The following TP53I11 variants were observed in gnomAD, a reference collection of about 807,000 sequenced individuals.
TP53I11 encodes tumor protein p53-inducible protein 11.
In TP53I11, 9 loss-of-function variants were observed where a neutral mutation model predicts 23.3. The ratio of observed to expected loss-of-function variants is 0.39; its 90% CI spans 0.23 to 0.67. The LOEUF (loss-of-function observed/expected upper bound fraction) is 0.67, where lower values mean the gene tolerates loss of function less well. Among genes scored for constraint, TP53I11 ranks in the 30% least tolerant of loss-of-function variants. TP53I11 has a pLI of 0.48. For missense variants in TP53I11, 170 were observed against 255.2 expected (o/e 0.67, Z 2.27); for synonymous variants, 100 against 106.1 (o/e 0.94, Z 0.35).
At chr11:44,937,250 G>T in intron 4 of TP53I11, 54 bp downstream of exon 4, 1 of 1,540,236 alleles carries the variant, frequency 6.5e-7, no homozygotes, top group African/African-American at 1.4e-5. Context: ...AGCCAGAGAA[G>T]GGCTGAGGGA....
At chr11:44,942,066 T>TACAA (rs1327419635) in intron 1 of TP53I11, among the ~76,000 whole-genome samples, 1 of 11,534 alleles carries the variant, frequency 8.7e-5, no homozygotes, top group Admixed American at 9.0e-4. Context: ...ACCACACACA[T>TACAA]ACCACACACA....
chr11:44,949,658 CG>C (rs1182155294), intron 1 of TP53I11, among the ~76,000 whole-genome samples: 1 of 152,056 alleles, frequency 6.6e-6, no homozygotes, highest in Non-Finnish European at 1.5e-5. Context: ...CGGGGCGCGC[CG>C]GGGTGGGCGC....
At chr11:44,950,951 C>T (rs1409013783), upstream of TP53I11, 3 of 151,872 alleles carry the variant, frequency 2.0e-5, no homozygotes. Flanking sequence ...CCCTCCCACG[C>T]GCCGGGCTGC....
intron 1 of TP53I11, chr11:44,947,050 G>A: frequency 2.2e-6 from 1 of 456,368 alleles, no homozygotes; most frequent in Non-Finnish European, 4.4e-6. Flanking sequence ...GTGCTGAAGA[G>A]GGCGAGAGGT....
At chr11:44,942,207 C>T (rs964932147) in intron 1 of TP53I11, among the ~76,000 whole-genome samples, 10 of 142,584 alleles carry the variant, frequency 7.0e-5, no homozygotes, top group African/African-American at 2.3e-4. Context: ...ATACCCACCA[C>T]GCACACACAC....
intron 1 of TP53I11, among the ~76,000 whole-genome samples, chr11:44,940,197 T>G (rs1861615652): frequency 6.6e-6 from 1 of 152,246 alleles, no homozygotes; most frequent in African/African-American, 2.4e-5. Context: ...GTCCTTCACC[T>G]GTTCCTCAGC....
Position 44,938,744 on chromosome 11 carries a change from T to A in TP53I11, c.-31-378A>T, listed in dbSNP as rs835994. Among the ~76,000 whole-genome samples, 29 of 151,702 alleles carry A rather than the reference T, an allele frequency of 1.9e-4. 1 individual carries two copies. The highest frequency in any genetic ancestry group is 1.8e-3 in the Admixed American group (27 of 15,232). On this transcript the variant is annotated intron_variant, in intron 1 of 6. Coordinates refer to ENST00000525680, the MANE Select transcript of TP53I11 (RefSeq NM_006034.5). ...GCCTGGATTCATGGGGCAAATGAGG[T>A]TTAGAAAAGGGGAGGGTCTGTCCAA... is the stretch of plus-strand genomic sequence containing the variant.
chr11:44,938,020 G>A (rs771130002), intron 2 of TP53I11, among the ~76,000 whole-genome samples, 187 bp downstream of exon 2: 21 of 152,316 alleles, frequency 1.4e-4, no homozygotes, highest in Non-Finnish European at 2.9e-4. Context: ...CTGGAAAACC[G>A]GGCACGTAAT....
At chr11:44,949,624 A>G (rs1297696503) in intron 1 of TP53I11, among the ~76,000 whole-genome samples, 3 of 150,862 alleles carry the variant, frequency 2.0e-5, no homozygotes, top group Non-Finnish European at 4.4e-5. Flanking sequence ...ACCCAAGGCG[A>G]GCGCCCCGCC....
At chr11:44,939,520 C>T (rs1320031347) in intron 1 of TP53I11, among the ~76,000 whole-genome samples, 2 of 152,208 alleles carry the variant, frequency 1.3e-5, no homozygotes, top group African/African-American at 2.4e-5. Flanking sequence ...TGCCCTGTGG[C>T]CCCAGGCAAA....
intron 1 of TP53I11, among the ~76,000 whole-genome samples, chr11:44,938,777 G>T (rs1861449569): frequency 1.3e-5 from 2 of 152,094 alleles, no homozygotes; most frequent in South Asian, 2.1e-4. Flanking sequence ...CAAGCCTGGG[G>T]CAGGGGCTTC....
At chr11:44,937,152 T>A (rs1861231001) in intron 4 of TP53I11, 152 bp downstream of exon 4, 1 of 945,004 alleles carries the variant, frequency 1.1e-6, no homozygotes, top group Non-Finnish European at 1.6e-6. Flanking sequence ...GGCGTGGCAG[T>A]GTAGGAGTCA....
In TP53I11 at chr11:44,938,200, A is replaced by C; in HGVS notation, c.129+7T>G. The C allele has an allele frequency of 1.2e-6, 2 of 1,610,678 alleles. No individual in the cohort carries two copies. ...TGGGTGCCGGAGGCCCCTGCTCTGC[A>C]CCCCACCTTGGAGCGATGCACCTCC... On this transcript the variant is annotated splice_region_variant and intron_variant, in intron 2 of 6. Coordinates refer to ENST00000525680, the MANE Select transcript of TP53I11 (RefSeq NM_006034.5).
rs774671961 is a variant in TP53I11 at position 44,938,351 on chromosome 11, G to A, written c.-16C>T. 46 of 1,582,212 alleles carry A rather than the reference G, an allele frequency of 2.9e-5. No homozygotes were observed. Among genetic ancestry groups the A allele is most frequent in the African/African-American group, 5.4e-5 (4 of 74,220 alleles). ...TGGCCGCCATCTTCTCCTCCAGCCC[G>A]GCCTCTGCAGAAGGGCTGAGGGGAG... On this transcript the variant is annotated 5_prime_UTR_variant, in exon 2 of 7. Coordinates refer to ENST00000525680, the MANE Select transcript of TP53I11 (RefSeq NM_006034.5).
At chr11:44,935,487 C>T (rs1263802072) in intron 6 of TP53I11, 74 bp downstream of exon 6, 3 of 1,376,340 alleles carry the variant, frequency 2.2e-6, no homozygotes, top group Non-Finnish European at 3.1e-6. Flanking sequence ...TCCCACACAC[C>T]CAGGTGGCTA....
rs1173387615 is a variant in TP53I11, at chr11:44,933,348, G to C, written c.*1536C>G. ...CACCTGGCAGCAGCCAGAGCGGGCT[G>C]TACCTATAGACACCCTCCAGCCATC... On this transcript the variant is annotated 3_prime_UTR_variant, in exon 7 of 7. Transcript: ENST00000525680. 1.3e-5 allele frequency: 2 copies of C among 152,428 alleles called. No individual in the cohort carries two copies. Among genetic ancestry groups the C allele is most frequent in the Non-Finnish European group, 1.5e-5 (1 of 68,230 alleles). The allele number at this position is 152,428 out of a possible 1,614,324, so 9.4% of individuals were successfully genotyped here.
In TP53I11 at chr11:44,936,129, G is replaced by T; in HGVS notation, c.335-467C>A. On this transcript the variant is annotated intron_variant, in intron 5 of 6. Transcript: ENST00000525680. The surrounding 1 kb of genome is among the most constrained non-coding windows in gnomAD (Gnocchi z 4.4). ...TTTAAGGAAGTCCCCTGGGGGAGGG[G>T]GATGAACCATACTTTTTAGCAGAAG... The T allele has an allele frequency of 1.3e-6, 1 of 789,564 alleles. No individual in the cohort carries two copies. The highest frequency in any genetic ancestry group is 1.6e-6 in the Non-Finnish European group (1 of 643,650). The allele number at this position is 789,564 out of a possible 1,614,324, so 48.9% of individuals were successfully genotyped here.
chr11:44,935,632 T>TAG lies in TP53I11; in HGVS notation c.363_364dup (p.Tyr122SerfsTer31). The TAG allele has an allele frequency of 6.2e-7, 1 of 1,612,008 alleles. No homozygotes were observed. Among genetic ancestry groups the TAG allele is most frequent in the Non-Finnish European group, 8.5e-7 (1 of 1,179,602 alleles). ...TCGAATGATGACCTTCTCAGCCGTG[T>TAG]AGAGAGCGTTCCACATGATCAGGGA... is the stretch of plus-strand genomic sequence containing the variant. On this transcript the variant is annotated frameshift_variant, in exon 6 of 7. Coordinates refer to ENST00000525680, the MANE Select transcript of TP53I11 (RefSeq NM_006034.5). LOFTEE classifies it high-confidence loss of function.
intron 2 of TP53I11, 118 bp downstream of exon 2, chr11:44,938,089 A>C: frequency 1.5e-6 from 2 of 1,361,684 alleles, no homozygotes; most frequent in Non-Finnish European, 1.9e-6. Context: ...ATTTCTAGGA[A>C]AATCAGCTAA....
Sources: gnomAD v4.1 joint callset for allele counts (sites outside exome capture counted in the v4.1 genomes callset) on GRCh38, gnomAD v4.1.1 for gene constraint, Gnocchi (gnomAD v3.1) non-coding constraint, MANE v1.5 for transcripts, NCBI Gene and HGNC (gene_info 2026-07-23, HGNC 2026-07-21) for gene names.